CELF5: variants seen among roughly 807,000 people sequenced by gnomAD.
The protein encoded by CELF5 is CUG-BP and ETR-3 like factor 5.
Under a neutral mutation model 54.9 loss-of-function variants are expected in CELF5, and 6 were observed. The observed-to-expected ratio is 0.11, with a 90% CI of 0.06 to 0.22. CELF5 has a LOEUF of 0.22. CELF5 is among the 10% of genes least tolerant of loss of function. The probability of loss-of-function intolerance (pLI) is 1.00; values close to 1 mark genes in which losing one functional copy is unlikely to be tolerated. For missense variants in CELF5, 401 were observed against 678.6 expected (o/e 0.59, Z 4.54); for synonymous variants, 271 against 290.9 (o/e 0.93, Z 0.70).
At chr19:3,236,351 C>T (rs572378073) in intron 1 of CELF5, among the ~76,000 whole-genome samples, 5 of 152,160 alleles carry the variant, frequency 3.3e-5, no homozygotes, top group African/African-American at 9.6e-5. Flanking sequence ...TGTGTGGCCT[C>T]GTGGTTCCCA....
intron 2 of CELF5, among the ~76,000 whole-genome samples, chr19:3,269,163 C>T (rs1014971461): frequency 3.3e-5 from 5 of 152,094 alleles, no homozygotes; most frequent in African/African-American, 1.2e-4. Context: ...GGAAATAACC[C>T]ATCTGGGGCT....
intron 1 of CELF5, among the ~76,000 whole-genome samples, chr19:3,249,570 G>A (rs1233982537): frequency 1.4e-5 from 2 of 147,938 alleles, no homozygotes; most frequent in African/African-American, 2.5e-5. Context: ...GGCTGGCCCC[G>A]CCCCTTGCCT....
intron 10 of CELF5, among the ~76,000 whole-genome samples, 173 bp from the exon 11 acceptor site, chr19:3,290,058 T>G (rs916802303): frequency 3.9e-5 from 6 of 152,036 alleles, no homozygotes; most frequent in Non-Finnish European, 7.4e-5. Flanking sequence ...GGGGTGGGTG[T>G]GTCCCGTCTC....
At chr19:3,254,567 A>G (rs2079695014) in intron 2 of CELF5, among the ~76,000 whole-genome samples, 1 of 147,936 alleles carries the variant, frequency 6.8e-6, no homozygotes, top group Non-Finnish European at 1.5e-5. Flanking sequence ...CCACCCATCC[A>G]CCCATCAATT....
intron 11 of CELF5, among the ~76,000 whole-genome samples, chr19:3,290,816 T>C (rs2080333396): frequency 6.6e-6 from 1 of 150,586 alleles, no homozygotes; most frequent in Admixed American, 6.6e-5. Flanking sequence ...TCTGCCCGCC[T>C]CGGCCTCCCA....
chr19:3,290,416 C>T (rs759026397), intron 11 of CELF5, 42 bp downstream of exon 11: 2 of 1,607,584 alleles, frequency 1.2e-6, no homozygotes, highest in South Asian at 1.1e-5. Flanking sequence ...CCACCTCCCT[C>T]GCCTGCCCCC....
Position 3,281,827 on chromosome 19 carries a change from G to A in CELF5, c.751-299G>A, listed in dbSNP as rs1196490597. Among the ~76,000 whole-genome samples the A allele has an allele frequency of 6.6e-6, 1 of 151,422 alleles. No individual in the cohort carries two copies. The highest frequency in any genetic ancestry group is 2.4e-5 in the African/African-American group (1 of 41,180). On this transcript the variant is annotated intron_variant, in intron 6 of 12. Coordinates refer to ENST00000292672, the MANE Select transcript of CELF5 (RefSeq NM_021938.4). The surrounding 1 kb of genome is among the most constrained non-coding windows in gnomAD (Gnocchi z 6.5). ...AGCCTTGATCCTAGATTGAGCCTTA[G>A]TCCCAGGCTGAGCCTCGCTTTTCTA...
intron 1 of CELF5, among the ~76,000 whole-genome samples, chr19:3,227,617 T>C (rs1318515715): frequency 2.6e-5 from 4 of 151,238 alleles, no homozygotes; most frequent in Non-Finnish European, 4.4e-5. Context: ...CCGGAGGGGG[T>C]CAGCTGGTAC....
intron 2 of CELF5, among the ~76,000 whole-genome samples, chr19:3,267,201 C>A (rs901972944): frequency 9.9e-5 from 15 of 152,188 alleles, no homozygotes; most frequent in Middle Eastern, 3.4e-3. Flanking sequence ...CTTGACTTTC[C>A]ACTTCTACCC....
In CELF5 at chr19:3,284,954, G is replaced by A. The variant is rs2080211477; in HGVS notation, c.1092G>A (p.Gln364=). 2 of 1,611,736 alleles carry A rather than the reference G, an allele frequency of 1.2e-6. No homozygotes were observed. Among genetic ancestry groups the A allele is most frequent in the Non-Finnish European group, 1.7e-6 (2 of 1,179,340 alleles). The change falls in exon 9 of 13, where the codon CAG becomes CAA. Residue 364 remains glutamine, a synonymous_variant. Transcript: ENST00000292672. ...TGCATCCTGCCTTCTCCGGAGTCCAGCAGTACACAGGTAGGAGGCAGCCCG... is the reference window on the plus strand; with the variant it reads ...TGCATCCTGCCTTCTCCGGAGTCCAACAGTACACAGGTAGGAGGCAGCCCG... ...ETLHPAFSGV[Q]QYTAMYPTAA...
chr19:3,235,683 TGGATGG>T (rs2144997009), intron 1 of CELF5, among the ~76,000 whole-genome samples: 1 of 119,712 alleles, frequency 8.4e-6, no homozygotes. Context: ...GATGGATGTG[TGGATGG>T]GTGGATGGAT....
Position 3,228,527 on chromosome 19 carries a change from C to T in CELF5, c.259+3529C>T, listed in dbSNP as rs568179349. 1.3e-5 allele frequency among the ~76,000 whole-genome samples: 2 copies of T among 151,658 alleles called. No individual in the cohort carries two copies. Among genetic ancestry groups the T allele is most frequent in the East Asian group, 3.9e-4 (2 of 5,180 alleles). On this transcript the variant is annotated intron_variant, in intron 1 of 12. Transcript: ENST00000292672. This position sits in a 1 kb window ranked among gnomAD's most constrained non-coding sequence, Gnocchi z 6.0. ...GTACTGGTCCGCCGCTGCCACTGGG[C>T]CCCCCGTTTATGGTAATCGCATATA...
Position 3,275,878 on chromosome 19 carries a change from G to C in CELF5, c.417G>C (p.Gly139=), listed in dbSNP as rs1394759663. The change falls in exon 4 of 13, where the codon GGG becomes GGC. Residue 139 remains glycine, a synonymous_variant. Coordinates refer to ENST00000292672, the MANE Select transcript of CELF5 (RefSeq NM_021938.4). The surrounding 1 kb of genome is among the most constrained non-coding windows in gnomAD (Gnocchi z 6.7). ...RGGRDRKLFV[G]MLNKQQSEED... ...CAGGGGACCGGAAGCTGTTCGTGGG[G>C]ATGCTGAACAAGCAGCAGTCGGAGG... 2 of 1,611,908 alleles carry C rather than the reference G, an allele frequency of 1.2e-6. No homozygotes were observed. Among genetic ancestry groups the C allele is most frequent in the South Asian group, 2.2e-5 (2 of 91,036 alleles).
At position 3,260,337 on chromosome 19, in the gene CELF5, G is replaced by A. The variant is rs568956867; in HGVS notation, c.342+9270G>A. Among the ~76,000 whole-genome samples, 249 of 152,162 alleles carry A rather than the reference G, an allele frequency of 1.6e-3. 1 individual carries two copies. Among genetic ancestry groups the A allele is most frequent in the Middle Eastern group, 3.4e-3 (1 of 294 alleles). On this transcript the variant is annotated intron_variant, in intron 2 of 12. Transcript: ENST00000292672. ...TCGCCATGTTGGCCAGGCTGGTCTC[G>A]AATTCCTGACCTCAGGTGATCCTCC...
intron 1 of CELF5, among the ~76,000 whole-genome samples, chr19:3,232,879 A>T (rs1388632936): frequency 1.3e-5 from 2 of 152,108 alleles, no homozygotes; most frequent in Admixed American, 6.6e-5. Flanking sequence ...GTTCGAGACC[A>T]GCCTGACCAA....
intron 2 of CELF5, among the ~76,000 whole-genome samples, chr19:3,258,068 C>T (rs1374588160): frequency 6.6e-6 from 1 of 151,696 alleles, no homozygotes; most frequent in Non-Finnish European, 1.5e-5. Flanking sequence ...TCAAGCAATT[C>T]TCCTGACTCG....
intron 1 of CELF5, among the ~76,000 whole-genome samples, chr19:3,230,992 C>T (rs1020458308): frequency 6.6e-6 from 1 of 152,176 alleles, no homozygotes; most frequent in Non-Finnish European, 1.5e-5. Flanking sequence ...AGCTTTGACC[C>T]GCTCTGGAAG....
chr19:3,256,482 GA>G (rs1474038948), intron 2 of CELF5, among the ~76,000 whole-genome samples: 1 of 152,026 alleles, frequency 6.6e-6, no homozygotes, highest in Non-Finnish European at 1.5e-5. Context: ...GAACAACATT[GA>G]GACAAGAAAT....
chr19:3,277,264 A>G (rs901360794), intron 4 of CELF5, among the ~76,000 whole-genome samples: 1 of 151,872 alleles, frequency 6.6e-6, no homozygotes, highest in Non-Finnish European at 1.5e-5. Flanking sequence ...TCACGAGATC[A>G]GGAGTTCAAG....
Sources: allele counts gnomAD v4.1 joint callset (sites outside exome capture counted in the v4.1 genomes callset), GRCh38; gene constraint gnomAD v4.1.1; non-coding constraint Gnocchi (gnomAD v3.1); transcripts MANE v1.5; gene names NCBI Gene and HGNC (gene_info 2026-07-23, HGNC 2026-07-21).